Variants in ALDH9A1 observed in about 807,000 individuals in gnomAD.
ALDH9A1 encodes the protein aldehyde dehydrogenase 9 family member A1.
Under a neutral mutation model 56.6 loss-of-function variants are expected in ALDH9A1, and 42 were observed. That is an observed-to-expected ratio of 0.74 (90% CI 0.58 to 0.96). The LOEUF is 0.96. Among genes scored for constraint, ALDH9A1 ranks in the 40% least tolerant of loss-of-function variants. The pLI is 0.00. For synonymous variants in ALDH9A1, 242 were observed against 236.0 expected (o/e 1.03, Z -0.23); for missense variants, 661 against 651.5 (o/e 1.01, Z -0.16).
chr1:165,691,736 CCAGCAT>C (rs1649898327), intron 2 of ALDH9A1, among the ~76,000 whole-genome samples: 1 of 151,966 alleles, frequency 6.6e-6, no homozygotes, highest in Admixed American at 6.6e-5. Context: ...TTTTATGAGG[CCAGCAT>C]CAGCCTGATA....
At chr1:165,674,250 G>C (rs905895453) in intron 6 of ALDH9A1, among the ~76,000 whole-genome samples, 2 of 150,066 alleles carry the variant, frequency 1.3e-5, no homozygotes, top group Non-Finnish European at 3.0e-5. Context: ...GCAGCCCCTG[G>C]GGCAGCTCTG....
intron 5 of ALDH9A1, 65 bp from the exon 6 acceptor site, chr1:165,679,647 A>G: frequency 3.9e-6 from 6 of 1,556,928 alleles, no homozygotes; most frequent in Non-Finnish European, 5.3e-6. Context: ...TAAGTCAACT[A>G]GGCCCTGAAC....
At chr1:165,673,657 G>A (rs887322257) in intron 6 of ALDH9A1, among the ~76,000 whole-genome samples, 3 of 152,134 alleles carry the variant, frequency 2.0e-5, no homozygotes, top group Non-Finnish European at 4.4e-5. Flanking sequence ...TCACCCTGAC[G>A]CTTTCTGACT....
At chr1:165,689,091 C>A (rs1487549252) in intron 2 of ALDH9A1, among the ~76,000 whole-genome samples, 1 of 152,098 alleles carries the variant, frequency 6.6e-6, no homozygotes, top group African/African-American at 2.4e-5. Context: ...TACAATGCTG[C>A]TCATTCACAG....
At chr1:165,681,965 C>T in intron 4 of ALDH9A1, 142 bp downstream of exon 4, 3 of 1,158,658 alleles carry the variant, frequency 2.6e-6, no homozygotes, top group East Asian at 2.4e-5. Context: ...GAGCCATGTC[C>T]TCTGAGGCTT....
chr1:165,669,473 C>A, intron 6 of ALDH9A1, 23 bp from the exon 7 acceptor site: 3 of 1,579,054 alleles, frequency 1.9e-6, no homozygotes, highest in South Asian at 2.4e-5. Flanking sequence ...CACAAGACAT[C>A]AATTTCTATG....
chr1:165,684,395 A>C (rs1428571944), intron 2 of ALDH9A1, among the ~76,000 whole-genome samples: 1 of 152,088 alleles, frequency 6.6e-6, no homozygotes, highest in Non-Finnish European at 1.5e-5. Flanking sequence ...TTAAACCAAC[A>C]ATTTACCTTC....
intron 6 of ALDH9A1, 78 bp from the exon 7 acceptor site, chr1:165,669,528 A>C: frequency 9.3e-6 from 12 of 1,293,902 alleles, no homozygotes; most frequent in Non-Finnish European, 1.3e-5. Flanking sequence ...ACACAATCTA[A>C]AAACTTTAAA....
intron 2 of ALDH9A1, among the ~76,000 whole-genome samples, chr1:165,692,384 A>T (rs148462723): frequency 0.075 from 11,437 of 152,320 alleles, 1,221 homozygotes; most frequent in East Asian, 0.58. Context: ...TACAAAATCA[A>T]TGTGCAAAAA....
At chr1:165,671,789 G>C (rs1231726434) in intron 6 of ALDH9A1, 1 of 253,358 alleles carries the variant, frequency 3.9e-6, no homozygotes, top group Non-Finnish European at 7.9e-6. Flanking sequence ...AAAAAAAAAA[G>C]AATGCAACAT....
intron 6 of ALDH9A1, chr1:165,676,867 A>C (rs561677285): frequency 6.8e-5 from 17 of 248,322 alleles, no homozygotes; most frequent in Admixed American, 1.5e-4. Flanking sequence ...CCTCTCCCCC[A>C]AAAAAATATT....
At chr1:165,692,679 AC>A (rs1377023041) in intron 2 of ALDH9A1, among the ~76,000 whole-genome samples, 1 of 152,032 alleles carries the variant, frequency 6.6e-6, no homozygotes, top group Non-Finnish European at 1.5e-5. Flanking sequence ...CCATCAAGCT[AC>A]CAATGACTTT....
intron 6 of ALDH9A1, chr1:165,671,690 TG>T: frequency 2.2e-6 from 1 of 456,210 alleles, no homozygotes; most frequent in Non-Finnish European, 4.2e-6. Context: ...CTCTCCCAAC[TG>T]GAAATATGAA....
intron 2 of ALDH9A1, among the ~76,000 whole-genome samples, chr1:165,683,697 T>C (rs536565847): frequency 2.0e-5 from 3 of 152,356 alleles, no homozygotes; most frequent in African/African-American, 7.2e-5. Context: ...TCTTCTAATA[T>C]TTTCTAATAC....
At chr1:165,679,083 T>C (rs1369121258) in intron 6 of ALDH9A1, among the ~76,000 whole-genome samples, 1 of 152,218 alleles carries the variant, frequency 6.6e-6, no homozygotes, top group Admixed American at 6.5e-5. Context: ...GTAACAGTAC[T>C]ATATCAATGT....
At chr1:165,679,398 G>A (rs1649470037) in intron 6 of ALDH9A1, 44 bp downstream of exon 6, 3 of 1,604,010 alleles carry the variant, frequency 1.9e-6, no homozygotes, top group African/African-American at 1.3e-5. Flanking sequence ...TTGGATGAGG[G>A]GGTAGAGATT....
intron 1 of ALDH9A1, 74 bp downstream of exon 1, chr1:165,698,304 G>T (rs1241773243): frequency 6.5e-7 from 1 of 1,526,928 alleles, no homozygotes; most frequent in African/African-American, 1.4e-5. Context: ...CAGAACACAG[G>T]AAACGGGGGC....
At position 165,680,689 on chromosome 1, in the gene ALDH9A1, T is replaced by C. The variant is rs1435084264; in HGVS notation, c.593-6A>G. ...TTTAAAGACCATGGCATTACCTGCATAAACCCAAGACACAAACATAAAAAG... is the reference window on the plus strand; with the variant it reads ...TTTAAAGACCATGGCATTACCTGCACAAACCCAAGACACAAACATAAAAAG... On this transcript the variant is annotated splice_polypyrimidine_tract_variant and splice_region_variant and intron_variant, in intron 4 of 10. Transcript: ENST00000354775. 6 of 1,597,794 alleles carry C rather than the reference T, an allele frequency of 3.8e-6. No homozygotes were observed. The highest frequency in any genetic ancestry group is 3.3e-4 in the Middle Eastern group (2 of 5,996).
chr1:165,690,512 C>T (rs1332141974), intron 2 of ALDH9A1, among the ~76,000 whole-genome samples: 3 of 152,132 alleles, frequency 2.0e-5, no homozygotes, highest in African/African-American at 7.2e-5. Flanking sequence ...ATGCAGAAGA[C>T]GGTGATTTCT....
Sources: gnomAD v4.1 joint callset for allele counts (sites outside exome capture counted in the v4.1 genomes callset) on GRCh38, gnomAD v4.1.1 for gene constraint, MANE v1.5 for transcripts, NCBI Gene and HGNC (gene_info 2026-07-23, HGNC 2026-07-21) for gene names.